Variants in CAMTA1 observed in about 807,000 individuals in gnomAD.
The protein encoded by CAMTA1 is calmodulin binding transcription activator 1.
Under a neutral mutation model 170.9 loss-of-function variants are expected in CAMTA1, and 27 were observed. That is an observed-to-expected ratio of 0.16 (90% CI 0.12 to 0.22). CAMTA1 has a LOEUF of 0.22. Among genes scored for constraint, CAMTA1 ranks in the 10% least tolerant of loss-of-function variants. The pLI is 1.00. For missense variants in CAMTA1, 1,619 were observed against 2,217.2 expected (o/e 0.73, Z 5.42); for synonymous variants, 833 against 891.5 (o/e 0.93, Z 1.17).
At chr1:6,914,402 A>C (rs1680357286) in intron 3 of CAMTA1, among the ~76,000 whole-genome samples, 1 of 152,140 alleles carries the variant, frequency 6.6e-6, no homozygotes, top group South Asian at 2.1e-4. Flanking sequence ...ACACCTGGCC[A>C]TCTCTGACTT....
intron 6 of CAMTA1, among the ~76,000 whole-genome samples, chr1:7,611,266 T>G (rs1181201339): frequency 6.6e-6 from 1 of 152,096 alleles, no homozygotes; most frequent in East Asian, 1.9e-4. Flanking sequence ...TTTTGTTCAT[T>G]GTGGATTTTT....
chr1:7,356,431 A>G (rs1397806383), intron 5 of CAMTA1, among the ~76,000 whole-genome samples: 1 of 152,224 alleles, frequency 6.6e-6, no homozygotes, highest in Admixed American at 6.5e-5. Flanking sequence ...AAGCCACACC[A>G]GGTGATCTTG....
rs1338580636 is a variant in CAMTA1, at chr1:7,041,481, T to G, written c.235-49823T>G. On this transcript the variant is annotated intron_variant, in intron 3 of 22. Coordinates refer to ENST00000303635, the MANE Select transcript of CAMTA1 (RefSeq NM_015215.4). The surrounding 1 kb of genome is among the most constrained non-coding windows in gnomAD (Gnocchi z 5.1). Reference sequence around the variant, plus strand: ...GAGTCTCTTAAGCTAGATTTATATCTGATTTTGCATTGAACTGTGTCGTTA... The same window carrying G: ...GAGTCTCTTAAGCTAGATTTATATCGGATTTTGCATTGAACTGTGTCGTTA... 6.6e-6 allele frequency among the ~76,000 whole-genome samples: 1 copy of G among 152,262 alleles called. No homozygotes were observed. The highest frequency in any genetic ancestry group is 2.4e-5 in the African/African-American group (1 of 41,470).
rs1700252016 is a variant in CAMTA1 at position 7,014,458 on chromosome 1, A to ACTC, written c.235-76843_235-76841dup. ...ATCCCAGCGCCCACTACAAAGGTGAACTCCTTTTTGCTCCCTGCCCCAGCC... is the reference window on the plus strand; with the variant it reads ...ATCCCAGCGCCCACTACAAAGGTGAACTCCTCCTTTTTGCTCCCTGCCCCAGCC... On this transcript the variant is annotated intron_variant, in intron 3 of 22. Coordinates refer to ENST00000303635, the MANE Select transcript of CAMTA1 (RefSeq NM_015215.4). The surrounding 1 kb of genome is among the most constrained non-coding windows in gnomAD (Gnocchi z 4.2). Among the ~76,000 whole-genome samples, 1 of 151,864 alleles carries ACTC rather than the reference A, an allele frequency of 6.6e-6. No homozygotes were observed. The highest frequency in any genetic ancestry group is 2.4e-5 in the African/African-American group (1 of 41,320).
rs777544920 is a variant in CAMTA1 at position 7,144,251 on chromosome 1, GTA to G, written c.302+52882_302+52883del. Among the ~76,000 whole-genome samples the G allele has an allele frequency of 1.7e-4, 26 of 151,640 alleles. No individual in the cohort carries two copies. The highest frequency in any genetic ancestry group is 6.3e-4 in the African/African-American group (26 of 40,974). ...GCCTTTTCTAAGTGTGTGTGTGTGT[GTA>G]TGTGTGTGTTTGTGTGTATGAGTGT... On this transcript the variant is annotated intron_variant, in intron 4 of 22. Transcript: ENST00000303635. The surrounding 1 kb of genome is among the most constrained non-coding windows in gnomAD (Gnocchi z 4.0).
chr1:7,589,324 C>T (rs1400066044), intron 6 of CAMTA1, among the ~76,000 whole-genome samples: 1 of 152,200 alleles, frequency 6.6e-6, no homozygotes, highest in Non-Finnish European at 1.5e-5. Context: ...ACACCCCGGC[C>T]GCTGTGGCAG....
At chr1:7,233,029 C>T (rs1395230807) in intron 4 of CAMTA1, among the ~76,000 whole-genome samples, 1 of 150,536 alleles carries the variant, frequency 6.6e-6, no homozygotes, top group Admixed American at 6.7e-5. Flanking sequence ...ATAATTGGAC[C>T]AGAAGCTAAT....
Position 7,532,903 on chromosome 1 carries a change from ACT to A in CAMTA1, c.510+65005_510+65006del, listed in dbSNP as rs1469490256. ...GGCCCCAAAGAGTTCAGGACAGAAG[ACT>A]CTTATTGGACCAGTGCAGGTGGCGG... On this transcript the variant is annotated intron_variant, in intron 6 of 22. Transcript: ENST00000303635. The surrounding 1 kb of genome is among the most constrained non-coding windows in gnomAD (Gnocchi z 4.2). 2.0e-5 allele frequency among the ~76,000 whole-genome samples: 3 copies of A among 151,804 alleles called. No homozygotes were observed. Among genetic ancestry groups the A allele is most frequent in the African/African-American group, 7.3e-5 (3 of 41,312 alleles).
intron 4 of CAMTA1, among the ~76,000 whole-genome samples, chr1:7,208,226 C>T (rs1373590597): frequency 6.6e-6 from 1 of 152,236 alleles, no homozygotes; most frequent in Non-Finnish European, 1.5e-5. Context: ...ACCTCCCAGA[C>T]AAACTGATCC....
At chr1:7,080,687 A>G (rs757008760) in intron 3 of CAMTA1, among the ~76,000 whole-genome samples, 4 of 152,106 alleles carry the variant, frequency 2.6e-5, no homozygotes, top group Non-Finnish European at 5.9e-5. Flanking sequence ...GGTGACCACC[A>G]CCATGCCAGG....
chr1:7,232,979 C>T (rs567895973), intron 4 of CAMTA1, among the ~76,000 whole-genome samples: 3 of 150,124 alleles, frequency 2.0e-5, no homozygotes, highest in Non-Finnish European at 3.0e-5. Flanking sequence ...CCCACCGAGA[C>T]GGAATTTATC....
rs569890290 is a variant in CAMTA1 at position 7,304,202 on chromosome 1, C to T, written c.438+54576C>T. Among the ~76,000 whole-genome samples, 3 of 152,256 alleles carry T rather than the reference C, an allele frequency of 2.0e-5. No individual in the cohort carries two copies. The South Asian group carries it at 6.2e-4, about 32-fold the overall frequency. On this transcript the variant is annotated intron_variant, in intron 5 of 22. Transcript: ENST00000303635. ...TGCCATTGAATGGTGCACTTGAAAA[C>T]GGTCAAAATGGGAAATTTCATGTTA...
chr1:7,278,697 G>C (rs368434795), intron 5 of CAMTA1, among the ~76,000 whole-genome samples: 1 of 152,098 alleles, frequency 6.6e-6, no homozygotes, highest in Non-Finnish European at 1.5e-5. Context: ...CCTGATTCTG[G>C]GGTTCATTTA....
chr1:7,476,124 G>A (rs1207015523), intron 6 of CAMTA1, among the ~76,000 whole-genome samples: 3 of 152,198 alleles, frequency 2.0e-5, no homozygotes, highest in Non-Finnish European at 2.9e-5. Flanking sequence ...ACCTTTGGCC[G>A]CCACAGCTGA....
In CAMTA1 at chr1:7,426,189, A is replaced by T. The variant is rs1371162949; in HGVS notation, c.439-41641A>T. ...CTGACTTTAACAGTTTAAAAAGGTG[A>T]GGGCACCTCCCCCAGACCTTGCTCT... is the stretch of plus-strand genomic sequence containing the variant. On this transcript the variant is annotated intron_variant, in intron 5 of 22. Coordinates refer to ENST00000303635, the MANE Select transcript of CAMTA1 (RefSeq NM_015215.4). This position sits in a 1 kb window ranked among gnomAD's most constrained non-coding sequence, Gnocchi z 4.8. 1.3e-5 allele frequency among the ~76,000 whole-genome samples: 2 copies of T among 151,918 alleles called. No individual in the cohort carries two copies. Among genetic ancestry groups the T allele is most frequent in the Non-Finnish European group, 2.9e-5 (2 of 68,028 alleles).
At chr1:6,963,933 C>A (rs1217233912) in intron 3 of CAMTA1, among the ~76,000 whole-genome samples, 1 of 152,232 alleles carries the variant, frequency 6.6e-6, no homozygotes, top group Non-Finnish European at 1.5e-5. Flanking sequence ...GGGCGCCTGT[C>A]GCAGAAGACC....
chr1:6,926,391 C>T (rs1683098942), intron 3 of CAMTA1, among the ~76,000 whole-genome samples: 1 of 144,898 alleles, frequency 6.9e-6, no homozygotes, highest in South Asian at 2.3e-4. Context: ...TCTCTGTCTT[C>T]CTTCCTCCCT....
chr1:7,664,654 G>C lies in CAMTA1; in HGVS notation c.2107G>C (p.Val703Leu), dbSNP rs781250966. The change falls in exon 9 of 23, where the codon GTC becomes CTC. Residue 703 changes from valine (V) to leucine (L), a missense_variant. Transcript: ENST00000303635. Reference protein sequence around the residue: ...ETSQAAEGSEVLLKSGELQAC... With the variant: ...ETSQAAEGSELLLKSGELQAC... ...CTCGCAGGCGGCGGAAGGGAGCGAG[G>C]TCCTGCTCAAGTCTGGGGAGCTGCA... 26 of 1,606,068 alleles carry C rather than the reference G, an allele frequency of 1.6e-5. No individual in the cohort carries two copies. Among genetic ancestry groups the C allele is most frequent in the Non-Finnish European group, 2.2e-5 (26 of 1,174,370 alleles).
In CAMTA1 at chr1:7,420,936, C is replaced by T. The variant is rs1575222522; in HGVS notation, c.439-46894C>T. 2.6e-5 allele frequency among the ~76,000 whole-genome samples: 4 copies of T among 152,148 alleles called. No homozygotes were observed. In the South Asian group the frequency reaches 8.3e-4, roughly 32 times the overall value. On this transcript the variant is annotated intron_variant, in intron 5 of 22. Coordinates refer to ENST00000303635, the MANE Select transcript of CAMTA1 (RefSeq NM_015215.4). ...CACAAGCTGGACATTCTCTGGGATCCTGAGATTTGCCACAGGCCACACACC... is the reference window on the plus strand; with the variant it reads ...CACAAGCTGGACATTCTCTGGGATCTTGAGATTTGCCACAGGCCACACACC...
Sources: allele counts gnomAD v4.1 joint callset (sites outside exome capture counted in the v4.1 genomes callset), GRCh38; gene constraint gnomAD v4.1.1; non-coding constraint Gnocchi (gnomAD v3.1); transcripts MANE v1.5; gene names NCBI Gene and HGNC (gene_info 2026-07-23, HGNC 2026-07-21).